Variants in TAPBP observed in about 807,000 individuals in gnomAD.
The protein encoded by TAPBP is tapasin.
A neutral mutation model predicts 45.7 loss-of-function variants in TAPBP; 38 were observed. The observed-to-expected ratio is 0.83, with a 90% CI of 0.64 to 1.09. The LOEUF is 1.09. Among genes scored for constraint, TAPBP ranks in the 50% least tolerant of loss-of-function variants. TAPBP has a pLI of 0.00. For missense variants in TAPBP, 513 were observed against 587.3 expected (o/e 0.87, Z 1.31); for synonymous variants, 226 against 254.8 (o/e 0.89, Z 1.08).
intron 3 of TAPBP, among the ~76,000 whole-genome samples, chr6:33,311,051 T>C (rs1432484143): frequency 5.9e-5 from 9 of 152,004 alleles, no homozygotes; most frequent in Non-Finnish European, 8.8e-5. Context: ...GCGTGGTGGC[T>C]CATGCCTGTA....
chr6:33,304,757 A>G (rs747128368), intron 4 of TAPBP, 119 bp from the exon 5 acceptor site: 252 of 1,328,332 alleles, frequency 1.9e-4, no homozygotes, highest in Admixed American at 6.5e-4. Context: ...CTTCTCCTGA[A>G]ATAGGGAACC....
In TAPBP at chr6:33,300,178, C is replaced by T. The variant is rs1768442517; in HGVS notation, c.*1582G>A. 1 of 153,724 alleles carries T rather than the reference C, an allele frequency of 6.5e-6. No individual in the cohort carries two copies. The highest frequency in any genetic ancestry group is 2.4e-5 in the African/African-American group (1 of 41,416). 9.5% of individuals were successfully genotyped at this position (153,724 alleles called of 1,614,324 possible). A position where few individuals can be genotyped will look rare whatever the true frequency, so the allele number is the denominator to read the frequency against. On this transcript the variant is annotated 3_prime_UTR_variant, in exon 8 of 8. Transcript: ENST00000434618. ...CATTGAGAGGAGGTCTGGCGAGCAC[C>T]ATCTAGGGCTGAAGAACTAGGCAGT... is the stretch of plus-strand genomic sequence containing the variant.
At chr6:33,311,356 G>A (rs756625306) in intron 3 of TAPBP, among the ~76,000 whole-genome samples, 5 of 151,986 alleles carry the variant, frequency 3.3e-5, no homozygotes, top group South Asian at 2.1e-4. Flanking sequence ...GCAGGCAGGC[G>A]CAGTGGCTCA....
intron 3 of TAPBP, among the ~76,000 whole-genome samples, chr6:33,312,276 G>A (rs1769401763): frequency 6.6e-6 from 1 of 152,138 alleles, no homozygotes. Context: ...GGGTTTCAGC[G>A]TGGGTTTCAA....
intron 3 of TAPBP, among the ~76,000 whole-genome samples, chr6:33,310,101 T>TCCCACCTAGA (rs1453414272): frequency 1.3e-5 from 2 of 151,774 alleles, no homozygotes; most frequent in East Asian, 3.9e-4. Flanking sequence ...CAAATGATCC[T>TCCCACCTAGA]CCCACCTAGA....
At chr6:33,311,463 T>C (rs1456461038) in intron 3 of TAPBP, among the ~76,000 whole-genome samples, 1 of 151,246 alleles carries the variant, frequency 6.6e-6, no homozygotes, top group African/African-American at 2.4e-5. Context: ...ACCTCATCTC[T>C]ACTAAAAATA....
intron 7 of TAPBP, 142 bp from the exon 8 acceptor site, chr6:33,301,913 TGCTGA>T: frequency 1.8e-5 from 19 of 1,070,736 alleles, no homozygotes; most frequent in Non-Finnish European, 2.4e-5. Context: ...CTCCAGACAC[TGCTGA>T]GTGCTGTATC....
At chr6:33,312,648 G>C (rs1769429812) in intron 3 of TAPBP, among the ~76,000 whole-genome samples, 1 of 152,148 alleles carries the variant, frequency 6.6e-6, no homozygotes, top group Non-Finnish European at 1.5e-5. Context: ...ACCTGTTTGC[G>C]GACCACAGAG....
rs1488750925 is a variant in TAPBP, at chr6:33,311,585, C to T, written c.469+1632G>A. Among the ~76,000 whole-genome samples, 9 of 151,912 alleles carry T rather than the reference C, an allele frequency of 5.9e-5. No homozygotes were observed. The South Asian group carries it at 6.2e-4, about 11-fold the overall frequency. ...GGAGGTTCCGGTGAGCGTGAGATCA[C>T]GCCATTGCACTCCAGCCTGGGCAAC... On this transcript the variant is annotated intron_variant, in intron 3 of 7. Transcript: ENST00000434618.
Position 33,313,820 on chromosome 6 carries a change from A to C in TAPBP, c.82T>G (p.Trp28Gly). 6.2e-7 allele frequency: 1 copy of C among 1,613,800 alleles called. No individual in the cohort carries two copies. Among genetic ancestry groups the C allele is most frequent in the Non-Finnish European group, 8.5e-7 (1 of 1,179,986 alleles). The change falls in exon 2 of 8, where the codon TGG (tryptophan) becomes GGG (glycine). Residue 28 changes from tryptophan (W) to glycine (G), a missense_variant. By Grantham distance (184) the Trp-to-Gly change is radical. Transcript: ENST00000434618. This position sits in a 1 kb window ranked among gnomAD's most constrained non-coding sequence, Gnocchi z 7.2. ...VSAGPAVIEC[W>G]FVEDASGKGL... is the part of the protein sequence containing the mutation. ...TTTCCGCTCGCATCCTCCACGAACCAACACTCGATCACCGCGGGTCCTGCT... is the reference window on the plus strand; with the variant it reads ...TTTCCGCTCGCATCCTCCACGAACCCACACTCGATCACCGCGGGTCCTGCT...
intron 7 of TAPBP, 78 bp downstream of exon 7, chr6:33,303,877 G>A (rs1768750688): frequency 1.2e-6 from 2 of 1,613,688 alleles, no homozygotes; most frequent in African/African-American, 1.3e-5. Flanking sequence ...CACACCAGCA[G>A]CCTCCCTCCA....
intron 6 of TAPBP, 30 bp from the exon 7 acceptor site, chr6:33,304,019 T>G (rs1263461568): frequency 6.2e-7 from 1 of 1,613,534 alleles, no homozygotes; most frequent in Non-Finnish European, 8.5e-7. Flanking sequence ...AGGGATGGGA[T>G]GCTGGAGTGG....
intron 7 of TAPBP, chr6:33,303,597 C>T: frequency 3.6e-6 from 3 of 830,110 alleles, no homozygotes; most frequent in East Asian, 5.4e-5. Context: ...AGATAAGGGA[C>T]CAGAATTATT....
chr6:33,305,150 A>G lies in TAPBP; in HGVS notation c.707T>C (p.Val236Ala). 6.2e-7 allele frequency: 1 copy of G among 1,614,178 alleles called. No individual in the cohort carries two copies. The highest frequency in any genetic ancestry group is 8.5e-7 in the Non-Finnish European group (1 of 1,180,040). ...GQMPAAQEGA[V>A]AFAAWDDDEP... is the part of the protein sequence containing the mutation. ...ATCATCATCCCAAGCAGCAAATGCC[A>G]CGGCCCCTTCTTGGGCTGCTGGCAT... Residue 236 changes from valine (V) to alanine (A), a missense_variant, in exon 4 of 8, where the codon GTG (valine) becomes GCG (alanine). Coordinates refer to ENST00000434618, the MANE Select transcript of TAPBP (RefSeq NM_003190.5). This position sits in a 1 kb window ranked among gnomAD's most constrained non-coding sequence, Gnocchi z 4.4.
At position 33,301,303 on chromosome 6, in the gene TAPBP, G is replaced by A. The variant is rs1768560375; in HGVS notation, c.*457C>T. 1 of 158,714 alleles carries A rather than the reference G, an allele frequency of 6.3e-6. No individual in the cohort carries two copies. The highest frequency in any genetic ancestry group is 6.3e-5 in the Admixed American group (1 of 15,916). The allele number at this position is 158,714 out of a possible 1,614,324, so 9.8% of individuals were successfully genotyped here. ...AAAAGCATTTCTCGGGCCTGGTGTG[G>A]TGGCTCACGCCTGTAATCCCAGCAC... On this transcript the variant is annotated 3_prime_UTR_variant, in exon 8 of 8. Transcript: ENST00000434618.
rs369452003 is a variant in TAPBP, at chr6:33,305,290, G to A, written c.567C>T (p.Ser189=). 1.9e-5 allele frequency: 30 copies of A among 1,580,952 alleles called. 3 individuals carry two copies. The highest frequency in any genetic ancestry group is 1.1e-4 in the Admixed American group (6 of 56,374). The change falls in exon 4 of 8, where the codon TCC becomes TCT. Residue 189 remains serine (S), a synonymous_variant. Transcript: ENST00000434618. This position sits in a 1 kb window ranked among gnomAD's most constrained non-coding sequence, Gnocchi z 4.4. ...CCGGAGCCAGAGATGAGGCGGCCTCGGAGGTGGGGGGCATGTAGGCAAAGC... is the reference window on the plus strand; with the variant it reads ...CCGGAGCCAGAGATGAGGCGGCCTCAGAGGTGGGGGGCATGTAGGCAAAGC... ...DLSFAYMPPT[S]EAASSLAPGP...
chr6:33,304,232 G>T lies in TAPBP; in HGVS notation c.1211-15C>A, dbSNP rs1355253511. ...CCCTGAAAGACCTGGCAGGCAGAAGGGGTGAGAGTGAGCTCCTGTCTTCCT... is the reference window on the plus strand; with the variant it reads ...CCCTGAAAGACCTGGCAGGCAGAAGTGGTGAGAGTGAGCTCCTGTCTTCCT... On this transcript the variant is annotated splice_polypyrimidine_tract_variant and intron_variant, in intron 5 of 7. Transcript: ENST00000434618. 31 of 1,611,930 alleles carry T rather than the reference G, an allele frequency of 1.9e-5. No individual in the cohort carries two copies. Among genetic ancestry groups the T allele is most frequent in the South Asian group, 1.1e-4 (10 of 90,848 alleles).
intron 7 of TAPBP, 51 bp from the exon 8 acceptor site, chr6:33,301,822 GGT>G (rs1768610331): frequency 6.2e-7 from 1 of 1,613,622 alleles, no homozygotes; most frequent in Non-Finnish European, 8.5e-7. Context: ...AGGCAGTTGA[GGT>G]GTACATGGTC....
Position 33,304,003 on chromosome 6 carries a change from T to G in TAPBP, c.1301-14A>C. The G allele has an allele frequency of 1.2e-6, 2 of 1,613,240 alleles. No homozygotes were observed. The highest frequency in any genetic ancestry group is 1.7e-6 in the Non-Finnish European group (2 of 1,179,814). On this transcript the variant is annotated splice_polypyrimidine_tract_variant and intron_variant, in intron 6 of 7. Coordinates refer to ENST00000434618, the MANE Select transcript of TAPBP (RefSeq NM_003190.5). Reference sequence around the variant, plus strand: ...ACAGGTAGACAGCTGTGGGGAAAGATTGAGAAGGGATGGGATGCTGGAGTG... The same window carrying G: ...ACAGGTAGACAGCTGTGGGGAAAGAGTGAGAAGGGATGGGATGCTGGAGTG...
Sources: gnomAD v4.1 joint callset for allele counts (sites outside exome capture counted in the v4.1 genomes callset) on GRCh38, gnomAD v4.1.1 for gene constraint, Gnocchi (gnomAD v3.1) non-coding constraint, MANE v1.5 for transcripts, NCBI Gene and HGNC (gene_info 2026-07-23, HGNC 2026-07-21) for gene names.